TRAIP: variants seen among roughly 807,000 people sequenced by gnomAD.
The protein encoded by TRAIP is TRAF interacting protein, also known as E3 ubiquitin-protein ligase TRAIP.
Under a neutral mutation model 65.0 loss-of-function variants are expected in TRAIP, and 37 were observed. That is an observed-to-expected ratio of 0.57 (90% CI 0.44 to 0.75). The LOEUF is 0.75. TRAIP is among the 30% of genes least tolerant of loss of function. The pLI is 0.00. For synonymous variants in TRAIP, 187 were observed against 219.1 expected (o/e 0.85, Z 1.29); for missense variants, 481 against 579.4 (o/e 0.83, Z 1.74).
chr3:49,840,503 C>G, intron 8 of TRAIP, 130 bp from the exon 9 acceptor site: 1 of 733,342 alleles, frequency 1.4e-6, no homozygotes, highest in Non-Finnish European at 2.3e-6. Context: ...GATCCCAGCT[C>G]TCTGAGGCTA....
chr3:49,849,352 G>A (rs962374826), intron 1 of TRAIP, among the ~76,000 whole-genome samples: 1 of 151,046 alleles, frequency 6.6e-6, no homozygotes, highest in African/African-American at 2.4e-5. Context: ...GTGGCCGGGC[G>A]CAGTGGCTCA....
At chr3:49,840,004 G>T in intron 9 of TRAIP, 144 bp from the exon 10 acceptor site, 1 of 841,300 alleles carries the variant, frequency 1.2e-6, no homozygotes, top group South Asian at 1.6e-5. Flanking sequence ...GGCTCAGGAG[G>T]CCAAGCCCCA....
At chr3:49,842,643 TTA>T in intron 5 of TRAIP, 96 bp from the exon 6 acceptor site, 1 of 1,178,626 alleles carries the variant, frequency 8.5e-7, no homozygotes, top group East Asian at 2.4e-5. Context: ...TCTCTGCAGC[TTA>T]TGTTTTGAAA....
At chr3:49,849,591 C>A (rs2081913986) in intron 1 of TRAIP, among the ~76,000 whole-genome samples, 1 of 151,930 alleles carries the variant, frequency 6.6e-6, no homozygotes, top group Non-Finnish European at 1.5e-5. Flanking sequence ...TGCCACTACA[C>A]TCCAGCCTGG....
At chr3:49,849,835 CTTTTCTTTTTTTTTTT>C in intron 1 of TRAIP, among the ~76,000 whole-genome samples, 1 of 127,806 alleles carries the variant, frequency 7.8e-6, no homozygotes, top group African/African-American at 2.9e-5. Flanking sequence ...ATTTTCTTTT[CTTTTCTTTTTTTTTTT>C]TTTTTTTTTT....
At chr3:49,843,440 G>C in intron 5 of TRAIP, 1 of 186,032 alleles carries the variant, frequency 5.4e-6, no homozygotes, top group Non-Finnish European at 1.1e-5. Context: ...AAGGACTAGA[G>C]TGCTAATGGA....
chr3:49,835,585 A>G (rs2081777003), intron 10 of TRAIP, among the ~76,000 whole-genome samples: 1 of 152,176 alleles, frequency 6.6e-6, no homozygotes, highest in South Asian at 2.1e-4. Flanking sequence ...ATATTTTACT[A>G]CAATAAAAAA....
rs1473208611 is a variant in TRAIP at position 49,839,862 on chromosome 3, T to C, written c.796-2A>G. On this transcript the variant is annotated splice_acceptor_variant, in intron 9 of 14. Coordinates refer to ENST00000331456, the MANE Select transcript of TRAIP (RefSeq NM_005879.3). LOFTEE classifies it high-confidence loss of function. ...CATCGTTAGCTTCTTTTTCAGGCTC[T>C]TGGGGAGGGAAAGAAAAGTGTGTGA... 1.2e-6 allele frequency: 2 copies of C among 1,614,176 alleles called. No homozygotes were observed. Among genetic ancestry groups the C allele is most frequent in the Non-Finnish European group, 1.7e-6 (2 of 1,179,990 alleles).
At chr3:49,851,621 C>A (rs1428859258) in intron 1 of TRAIP, among the ~76,000 whole-genome samples, 1 of 151,290 alleles carries the variant, frequency 6.6e-6, no homozygotes, top group Non-Finnish European at 1.5e-5. Context: ...GGTCTTGGAC[C>A]CCTGGGCTCA....
chr3:49,854,541 CAACT>C (rs2081956309), intron 1 of TRAIP, among the ~76,000 whole-genome samples: 1 of 151,984 alleles, frequency 6.6e-6, no homozygotes, highest in Admixed American at 6.6e-5. Context: ...TATAACGACC[CAACT>C]AACTGAGGGA....
At chr3:49,833,033 G>A (rs2081749800) in intron 10 of TRAIP, among the ~76,000 whole-genome samples, 1 of 152,068 alleles carries the variant, frequency 6.6e-6, no homozygotes, top group East Asian at 1.9e-4. Flanking sequence ...CTCTACCTCT[G>A]TCCCCGCCTG....
intron 1 of TRAIP, among the ~76,000 whole-genome samples, chr3:49,849,551 G>A (rs1231153903): frequency 1.2e-4 from 18 of 151,964 alleles, no homozygotes; most frequent in Non-Finnish European, 2.9e-5. Flanking sequence ...TGTGAACCTG[G>A]GAGGCGGAGA....
chr3:49,840,346 G>A lies in TRAIP; in HGVS notation c.733C>T (p.Gln245Ter). Residue 245 changes from glutamine (Q) to a stop codon, truncating the protein, a stop_gained, in exon 9 of 15, where the codon CAG (glutamine) becomes TAG (stop). Transcript: ENST00000331456. LOFTEE classifies it high-confidence loss of function. ...GCTGACTTCAGTTCTAACTTGGCCT[G>A]ATCCAATTCAGAGTAGACTGTCTGC... ...KLQTVYSELD[Q>*]AKLELKSAQK... 1.2e-6 allele frequency: 2 copies of A among 1,614,158 alleles called. No homozygotes were observed. The highest frequency in any genetic ancestry group is 1.1e-5 in the South Asian group (1 of 91,086).
chr3:49,848,506 A>T (rs2108319976), intron 1 of TRAIP, among the ~76,000 whole-genome samples: 1 of 152,298 alleles, frequency 6.6e-6, no homozygotes, highest in Non-Finnish European at 1.5e-5. Flanking sequence ...GCCCTCAGAG[A>T]TGAGGACTCT....
At chr3:49,856,287 G>T in intron 1 of TRAIP, 69 bp downstream of exon 1, 1 of 1,386,234 alleles carries the variant, frequency 7.2e-7, no homozygotes, top group Non-Finnish European at 1.0e-6. Context: ...ACCGCCTGGA[G>T]GCCCAACACC....
At chr3:49,829,929 C>G (rs1298956859) in intron 12 of TRAIP, 91 bp downstream of exon 12, 2 of 1,589,612 alleles carry the variant, frequency 1.3e-6, no homozygotes, top group Non-Finnish European at 1.7e-6. Context: ...CAGTCCTGGA[C>G]CAGGAGTGAC....
intron 8 of TRAIP, 146 bp from the exon 9 acceptor site, chr3:49,840,519 C>T: frequency 1.5e-6 from 1 of 662,894 alleles, no homozygotes; most frequent in East Asian, 2.7e-5. Context: ...GGCTAGGCCT[C>T]AGTCTGGCAA....
At chr3:49,839,973 A>C (rs1381994191) in intron 9 of TRAIP, 113 bp from the exon 10 acceptor site, 1 of 1,087,096 alleles carries the variant, frequency 9.2e-7, no homozygotes, top group African/African-American at 1.5e-5. Context: ...GAACAGAGCA[A>C]GGCCTGATAC....
chr3:49,847,618 A>G lies in TRAIP; in HGVS notation c.157-10T>C, dbSNP rs777850608. ...TGGTTCTTTTGCCAACCTGGATGGGAGAACAAGGTAAGAGTATGATTGTGT... is the reference window on the plus strand; with the variant it reads ...TGGTTCTTTTGCCAACCTGGATGGGGGAACAAGGTAAGAGTATGATTGTGT... On this transcript the variant is annotated splice_polypyrimidine_tract_variant and intron_variant, in intron 2 of 14. Coordinates refer to ENST00000331456, the MANE Select transcript of TRAIP (RefSeq NM_005879.3). 1.3e-6 allele frequency: 2 copies of G among 1,599,952 alleles called. No homozygotes were observed. Among genetic ancestry groups the G allele is most frequent in the Admixed American group, 3.4e-5 (2 of 58,378 alleles).
Sources: allele counts gnomAD v4.1 joint callset (sites outside exome capture counted in the v4.1 genomes callset), GRCh38; gene constraint gnomAD v4.1.1; transcripts MANE v1.5; gene names NCBI Gene and HGNC (gene_info 2026-07-23, HGNC 2026-07-21).